NLRP7: variants seen among roughly 807,000 people sequenced by gnomAD.
NLRP7 encodes the protein NLR family pyrin domain containing 7, also known as NACHT, LRR and PYD domains-containing protein 7.
NLRP7 carries 72 observed loss-of-function variants against 85.5 expected under a neutral mutation model. The ratio of observed to expected loss-of-function variants is 0.84; its 90% CI spans 0.70 to 1.02. NLRP7 has a LOEUF of 1.02. Among genes scored for constraint, NLRP7 ranks in the 50% least tolerant of loss-of-function variants. The pLI, the probability that NLRP7 is intolerant of heterozygous loss-of-function variation, is 0.00. For synonymous variants in NLRP7, 550 were observed against 505.2 expected (o/e 1.09, Z -1.19); for missense variants, 1,243 against 1,219.5 (o/e 1.02, Z -0.29).
At chr19:54,939,192 A>T in exon 4 of NLRP7, 1 of 1,614,242 alleles carries the variant, frequency 6.2e-7, no homozygotes, top group Non-Finnish European at 8.5e-7. Flanking sequence ...ATGTCCGGTG[A>T]CATCCGGCAG....
At chr19:54,936,379 T>C in exon 6 of NLRP7, 6 of 1,614,042 alleles carry the variant, frequency 3.7e-6, no homozygotes, top group Admixed American at 3.3e-5. Context: ...TTCTTCCCAA[T>C]GAAAGCAAGA....
intron 1 of NLRP7, among the ~76,000 whole-genome samples, chr19:54,962,475 T>A (rs1459479537): frequency 6.6e-6 from 1 of 151,592 alleles, no homozygotes; most frequent in Non-Finnish European, 1.5e-5. Flanking sequence ...TTCACCATGT[T>A]GGTCAGGCTG....
At chr19:54,956,438 C>A (rs573723725) in intron 1 of NLRP7, among the ~76,000 whole-genome samples, 1 of 152,064 alleles carries the variant, frequency 6.6e-6, no homozygotes, top group East Asian at 1.9e-4. Flanking sequence ...GCCTGTCATT[C>A]CAGGATTTTG....
chr19:54,936,533 A>G, intron 5 of NLRP7, 102 bp from the exon 6 acceptor site: 1 of 1,075,030 alleles, frequency 9.3e-7, no homozygotes, highest in Non-Finnish European at 1.4e-6. Flanking sequence ...AATTATTAGA[A>G]GTTCTTGGCC....
chr19:54,933,503 AAGTAC>A, intron 8 of NLRP7, 61 bp downstream of exon 8: 2 of 1,567,852 alleles, frequency 1.3e-6, no homozygotes, highest in Non-Finnish European at 1.8e-6. Context: ...ATGAATTAAC[AAGTAC>A]TTTCATGTCT....
chr19:54,964,498 G>A (rs1462869380), intron 1 of NLRP7, among the ~76,000 whole-genome samples: 1 of 151,788 alleles, frequency 6.6e-6, no homozygotes, highest in Non-Finnish European at 1.5e-5. Flanking sequence ...TTACAGGCGT[G>A]AGCCACTGTG....
exon 2 of NLRP7, chr19:54,941,510 T>C (rs1165521301): frequency 1.2e-6 from 2 of 1,613,914 alleles, no homozygotes; most frequent in Non-Finnish European, 1.7e-6. Context: ...GTCGCATTCC[T>C]TATCCAATTT....
At chr19:54,957,944 G>T (rs957110599) in intron 1 of NLRP7, among the ~76,000 whole-genome samples, 2 of 152,016 alleles carry the variant, frequency 1.3e-5, no homozygotes, top group African/African-American at 4.8e-5. Context: ...GGCCGGGCAC[G>T]GTGTCTCACG....
rs544562602 is a variant in NLRP7 at position 54,927,851 on chromosome 19, G to A, written c.2810+2648C>T. 4.5e-6 allele frequency: 6 copies of A among 1,345,012 alleles called. No homozygotes were observed. The East Asian group carries it at 1.4e-4, about 31-fold the overall frequency. The allele number at this position is 1,345,012 out of a possible 1,614,324, so 83.3% of individuals were successfully genotyped here. A position where few individuals can be genotyped will look rare whatever the true frequency, so the allele number is the denominator to read the frequency against. On this transcript the variant is annotated intron_variant, in intron 9 of 9. Coordinates refer to ENST00000340844, the Ensembl canonical transcript of NLRP7. The stretch of plus-strand genomic sequence containing the variant: ...TCAAGCGTGTAATCCCAACACTTCG[G>A]GAGGCCAAGGCGGGTGGATCACTTG...
At chr19:54,962,503 T>C (rs2070080596) in intron 1 of NLRP7, among the ~76,000 whole-genome samples, 1 of 151,644 alleles carries the variant, frequency 6.6e-6, no homozygotes, top group Non-Finnish European at 1.5e-5. Context: ...ACTCCTGACC[T>C]CAGGTGATCC....
At chr19:54,944,544 G>A (rs78429044) in intron 1 of NLRP7, among the ~76,000 whole-genome samples, 18,574 of 151,608 alleles carry the variant, frequency 0.12, 1,205 homozygotes, top group African/African-American at 0.14. Flanking sequence ...CGGCCGGCGC[G>A]GGTCTCCTGA....
exon 3 of NLRP7, chr19:54,940,944 C>T (rs755952836): frequency 6.2e-7 from 1 of 1,611,330 alleles, no homozygotes; most frequent in Non-Finnish European, 8.5e-7. Flanking sequence ...GCTTTGCTAA[C>T]TCCGAGTCTT....
Position 54,939,562 on chromosome 19 carries a change from G to A in NLRP7, c.1257C>T (p.Ala419=), listed in dbSNP as rs151120858. Residue 419 remains alanine (A), a synonymous_variant, in exon 4 of 10, where the codon GCC becomes GCT. Coordinates refer to ENST00000340844, the Ensembl canonical transcript of NLRP7. ...ACATCTGCGCCCACAGGCCCTGCGC[G>A]GCCAGGAGGCTCAGCGTCCGCAGCG... 2.5e-6 allele frequency: 4 copies of A among 1,612,546 alleles called. No homozygotes were observed. In the East Asian group the frequency reaches 6.7e-5, roughly 27 times the overall value.
chr19:54,934,584 C>A lies in NLRP7; in HGVS notation c.2376G>T (p.Lys792Asn). ...GCACATTGGCTGAGAGACGCAGGTGCTTCAGGGACTGGTTGGCTTTGAGGA... is the reference window on the plus strand; with the variant it reads ...GCACATTGGCTGAGAGACGCAGGTGATTCAGGGACTGGTTGGCTTTGAGGA... Residue 792 changes from lysine (K) to asparagine (N), a missense_variant, in exon 7 of 10, where the codon AAG becomes AAT. This residue lies in a region of NLRP7 where 613 missense variants were observed against 588.4 expected (regional missense o/e 1.04). Transcript: ENST00000340844. This position sits in a 1 kb window ranked among gnomAD's most constrained non-coding sequence, Gnocchi z 6.7. 6.2e-7 allele frequency: 1 copy of A among 1,614,166 alleles called. No homozygotes were observed. Among genetic ancestry groups the A allele is most frequent in the Middle Eastern group, 1.7e-4 (1 of 6,060 alleles).
upstream of NLRP7, among the ~76,000 whole-genome samples, chr19:54,950,775 A>G (rs1247521480): frequency 6.6e-6 from 1 of 151,936 alleles, no homozygotes; most frequent in East Asian, 1.9e-4. Context: ...CTCTTGTCTC[A>G]ACTGCAAAGA....
At chr19:54,947,621 C>T, upstream of NLRP7, 1 of 1,289,654 alleles carries the variant, frequency 7.8e-7, no homozygotes, top group Non-Finnish European at 1.0e-6. Flanking sequence ...GGGTGGCTCC[C>T]AACCACTGAC....
intron 1 of NLRP7, among the ~76,000 whole-genome samples, chr19:54,944,826 T>C (rs899158854): frequency 2.0e-5 from 3 of 152,116 alleles, no homozygotes; most frequent in African/African-American, 7.2e-5. Context: ...GTGTACAGCA[T>C]GGAGCGATGT....
At chr19:54,946,497 CT>C (rs35052489) in intron 1 of NLRP7, among the ~76,000 whole-genome samples, 2,126 of 140,322 alleles carry the variant, frequency 0.015, 36 homozygotes, top group African/African-American at 0.046. Flanking sequence ...GCCCAGCCTA[CT>C]TTTTTTTTTT....
chr19:54,935,603 G>GGAA (rs2068882270), intron 6 of NLRP7, among the ~76,000 whole-genome samples: 1 of 149,856 alleles, frequency 6.7e-6, no homozygotes, highest in Non-Finnish European at 1.5e-5. Flanking sequence ...AGCTGAGGCA[G>GGAA]AACTGCTTGA....
Sources: gnomAD v4.1 joint callset for allele counts (sites outside exome capture counted in the v4.1 genomes callset) on GRCh38, gnomAD v4.1.1 for gene constraint, gnomAD v4.1.1 regional missense constraint, Gnocchi (gnomAD v3.1) non-coding constraint, MANE v1.5 for transcripts, NCBI Gene and HGNC (gene_info 2026-07-23, HGNC 2026-07-21) for gene names.